FAM222B: variants seen among roughly 807,000 people sequenced by gnomAD.
FAM222B encodes the protein protein FAM222B.
FAM222B carries 12 observed loss-of-function variants against 38.0 expected under a neutral mutation model. That is an observed-to-expected ratio of 0.32 (90% CI 0.20 to 0.51). The LOEUF is 0.51. FAM222B is among the 20% of genes least tolerant of loss of function. The pLI is 0.97. For missense variants in FAM222B, 716 were observed against 754.2 expected (o/e 0.95, Z 0.59); for synonymous variants, 329 against 317.2 (o/e 1.04, Z -0.40).
chr17:28,854,058 CTCA>C (rs941324235), intron 1 of FAM222B, among the ~76,000 whole-genome samples: 3 of 151,824 alleles, frequency 2.0e-5, no homozygotes, highest in Non-Finnish European at 4.4e-5. Context: ...ATTCTCCTGC[CTCA>C]GCCTCCTGAG....
intron 1 of FAM222B, among the ~76,000 whole-genome samples, chr17:28,778,338 C>T (rs2035990593): frequency 6.6e-6 from 1 of 151,880 alleles, no homozygotes; most frequent in South Asian, 2.1e-4. Flanking sequence ...TGAGTGAGAA[C>T]ATGCGGTGTT....
At chr17:28,818,998 T>C (rs1439439588) in intron 1 of FAM222B, among the ~76,000 whole-genome samples, 1 of 152,064 alleles carries the variant, frequency 6.6e-6, no homozygotes, top group African/African-American at 2.4e-5. Flanking sequence ...TTCCCCACAA[T>C]CCTATAATCT....
At chr17:28,821,846 C>T (rs1353486286) in intron 1 of FAM222B, among the ~76,000 whole-genome samples, 2 of 151,922 alleles carry the variant, frequency 1.3e-5, no homozygotes, top group African/African-American at 2.4e-5. Context: ...CCTGTAATCC[C>T]AGCTACTCAG....
At chr17:28,793,902 C>T (rs775856336) in intron 1 of FAM222B, among the ~76,000 whole-genome samples, 6 of 151,982 alleles carry the variant, frequency 3.9e-5, no homozygotes, top group Admixed American at 6.6e-5. Flanking sequence ...TGCACCACCA[C>T]GCCAGGCTAA....
At chr17:28,782,934 G>A (rs572456298) in intron 1 of FAM222B, among the ~76,000 whole-genome samples, 3 of 152,062 alleles carry the variant, frequency 2.0e-5, no homozygotes, top group East Asian at 1.9e-4. Flanking sequence ...TCAGGAGATC[G>A]AGACCATCCT....
intron 1 of FAM222B, among the ~76,000 whole-genome samples, chr17:28,824,332 G>A (rs1306527580): frequency 6.6e-6 from 1 of 151,346 alleles, no homozygotes; most frequent in Non-Finnish European, 1.5e-5. Flanking sequence ...CCACAGGCAT[G>A]TACTACCACA....
At chr17:28,766,315 A>G (rs2035324666) in intron 2 of FAM222B, among the ~76,000 whole-genome samples, 2 of 152,154 alleles carry the variant, frequency 1.3e-5, no homozygotes, top group African/African-American at 4.8e-5. Context: ...TTAGCCAGGC[A>G]TGGTGGTGGG....
chr17:28,790,850 C>G (rs912787772), intron 1 of FAM222B, among the ~76,000 whole-genome samples: 1 of 128,018 alleles, frequency 7.8e-6, no homozygotes, highest in Non-Finnish European at 1.6e-5. Context: ...TTCTAGCATA[C>G]TTACAACTGT....
chr17:28,837,484 G>C (rs1598053186), intron 1 of FAM222B, among the ~76,000 whole-genome samples: 1 of 151,586 alleles, frequency 6.6e-6, no homozygotes, highest in Admixed American at 6.6e-5. Flanking sequence ...CAGCAAATCT[G>C]ATTACCCCTC....
intron 1 of FAM222B, among the ~76,000 whole-genome samples, chr17:28,835,809 CTA>C (rs1262266606): frequency 1.3e-5 from 2 of 151,980 alleles, no homozygotes; most frequent in African/African-American, 4.8e-5. Context: ...GTACCTGGGA[CTA>C]TAGGTGCATG....
intron 2 of FAM222B, among the ~76,000 whole-genome samples, chr17:28,764,728 A>G (rs765136301): frequency 6.6e-6 from 1 of 152,090 alleles, no homozygotes; most frequent in Admixed American, 6.6e-5. Flanking sequence ...GCCTAGCAAC[A>G]AGAGCAAAAC....
chr17:28,830,780 G>A (rs1017719159), intron 1 of FAM222B, among the ~76,000 whole-genome samples: 2 of 151,028 alleles, frequency 1.3e-5, no homozygotes, highest in African/African-American at 2.4e-5. Context: ...GAGCCCAGGA[G>A]TTTGAGACCA....
intron 1 of FAM222B, among the ~76,000 whole-genome samples, chr17:28,805,069 T>G (rs961468179): frequency 3.3e-5 from 5 of 150,266 alleles, no homozygotes; most frequent in African/African-American, 1.2e-4. Flanking sequence ...AGAAAGAAAC[T>G]AAGTGTAGTC....
upstream of FAM222B, among the ~76,000 whole-genome samples, chr17:28,846,247 T>C (rs1381967463): frequency 6.7e-6 from 1 of 149,862 alleles, no homozygotes; most frequent in African/African-American, 2.5e-5. Context: ...TGCACACCTG[T>C]GGTCCCACCT....
chr17:28,782,428 A>G (rs1054770020), intron 1 of FAM222B, among the ~76,000 whole-genome samples: 70 of 152,360 alleles, frequency 4.6e-4, no homozygotes, highest in African/African-American at 1.7e-3. Context: ...ATAATTATTT[A>G]AAAACTGGAA....
chr17:28,767,842 TTC>T (rs1409820850), intron 1 of FAM222B, among the ~76,000 whole-genome samples: 3 of 152,138 alleles, frequency 2.0e-5, no homozygotes, highest in African/African-American at 4.8e-5. Context: ...TTAAAGCAAA[TTC>T]TGTTTGCAAA....
At chr17:28,839,868 C>CA (rs1486211159) in intron 1 of FAM222B, among the ~76,000 whole-genome samples, 1 of 151,664 alleles carries the variant, frequency 6.6e-6, no homozygotes, top group Non-Finnish European at 1.5e-5. Flanking sequence ...AAGTTAAAAA[C>CA]AACCAGGTTC....
intron 1 of FAM222B, among the ~76,000 whole-genome samples, chr17:28,835,743 C>T (rs929154192): frequency 6.6e-6 from 1 of 152,058 alleles, no homozygotes; most frequent in Non-Finnish European, 1.5e-5. Flanking sequence ...CAGATTACTG[C>T]TCACTACATC....
At chr17:28,788,159 TACC>T (rs1233346329) in intron 1 of FAM222B, among the ~76,000 whole-genome samples, 2 of 151,954 alleles carry the variant, frequency 1.3e-5, no homozygotes, top group African/African-American at 2.4e-5. Context: ...GTGTTGAAAG[TACC>T]ACAACTCACT....
Sources: allele counts gnomAD v4.1 joint callset (sites outside exome capture counted in the v4.1 genomes callset), GRCh38; gene constraint gnomAD v4.1.1; transcripts MANE v1.5; gene names NCBI Gene and HGNC (gene_info 2026-07-23, HGNC 2026-07-21).